The following EDEM3 variants were observed in gnomAD, a reference collection of about 807,000 sequenced individuals.
EDEM3 encodes ER degradation enhancing alpha-mannosidase like protein 3.
EDEM3 carries 60 observed loss-of-function variants against 110.2 expected under a neutral mutation model. That is an observed-to-expected ratio of 0.54 (90% CI 0.44 to 0.67). EDEM3 has a LOEUF of 0.67. Among genes scored for constraint, EDEM3 ranks in the 30% least tolerant of loss-of-function variants. The probability of loss-of-function intolerance (pLI) is 0.00; values close to 1 mark genes in which losing one functional copy is unlikely to be tolerated. For synonymous variants in EDEM3, 352 were observed against 382.9 expected, an observed-to-expected ratio of 0.92 and a Z score of 0.94; for missense variants, 996 against 1,121.0, an observed-to-expected ratio of 0.89 and a Z score of 1.59.
Position 184,729,429 on chromosome 1 carries a change from G to A in EDEM3, c.613-3040C>T, listed in dbSNP as rs73048833. 5.8e-3 allele frequency among the ~76,000 whole-genome samples: 880 copies of A among 152,116 alleles called. 8 individuals carry two copies. The highest frequency in any genetic ancestry group is 0.02 in the African/African-American group (829 of 41,482). The stretch of plus-strand genomic sequence containing the variant: ...TTATGGATATAATCATCTACTCAAC[G>A]TTTGTAATGAGGTCTTATCTGAAAA... On this transcript the variant is annotated intron_variant, in intron 6 of 19. Transcript: ENST00000318130.
intron 1 of EDEM3, among the ~76,000 whole-genome samples, chr1:184,752,456 G>A (rs904621407): frequency 1.3e-5 from 2 of 152,124 alleles, no homozygotes; most frequent in African/African-American, 4.8e-5. Context: ...TGTATTTGTC[G>A]TTTATAGCTC....
At chr1:184,698,300 C>G (rs866671661) in intron 19 of EDEM3, among the ~76,000 whole-genome samples, 17 of 151,688 alleles carry the variant, frequency 1.1e-4, no homozygotes, top group African/African-American at 3.9e-4. Flanking sequence ...AAAAAGTATG[C>G]ATATCTAAGA....
chr1:184,750,100 A>G (rs548766398), intron 1 of EDEM3, among the ~76,000 whole-genome samples: 1 of 152,352 alleles, frequency 6.6e-6, no homozygotes, highest in African/African-American at 2.4e-5. Context: ...TTGCACTTAC[A>G]TTGAATAAAC....
intron 16 of EDEM3, among the ~76,000 whole-genome samples, chr1:184,709,885 A>G (rs4469687): frequency 0.57 from 87,324 of 151,952 alleles, 26,601 homozygotes; most frequent in African/African-American, 0.79. Context: ...ATAATTTAAA[A>G]ACTTTGTGTT....
chr1:184,705,531 G>A (rs1246690081), intron 18 of EDEM3, among the ~76,000 whole-genome samples: 1 of 152,086 alleles, frequency 6.6e-6, no homozygotes. Context: ...AGCTGGATTT[G>A]GCCTATAGTC....
intron 14 of EDEM3, 95 bp from the exon 15 acceptor site, chr1:184,711,972 G>T: frequency 2.1e-6 from 2 of 969,754 alleles, no homozygotes; most frequent in Non-Finnish European, 3.0e-6. Flanking sequence ...TGTTGCCCAG[G>T]CTGCAGTGCA....
At chr1:184,699,611 G>A (rs2102057802) in intron 19 of EDEM3, among the ~76,000 whole-genome samples, 1 of 152,018 alleles carries the variant, frequency 6.6e-6, no homozygotes, top group Non-Finnish European at 1.5e-5. Flanking sequence ...CAGTTCAGCT[G>A]TAGAACAGAT....
At chr1:184,751,987 A>T (rs1405097896) in intron 1 of EDEM3, among the ~76,000 whole-genome samples, 1 of 152,154 alleles carries the variant, frequency 6.6e-6, no homozygotes, top group Non-Finnish European at 1.5e-5. Context: ...TCCCGACCTC[A>T]GGTGATTCGC....
chr1:184,749,435 AC>A, intron 2 of EDEM3, 111 bp downstream of exon 2: 2 of 866,268 alleles, frequency 2.3e-6, no homozygotes, highest in Middle Eastern at 3.2e-4. Flanking sequence ...TTTTTTAAAA[AC>A]TTCCTTTTAA....
At chr1:184,703,665 G>A (rs1009703705) in intron 18 of EDEM3, among the ~76,000 whole-genome samples, 1 of 152,116 alleles carries the variant, frequency 6.6e-6, no homozygotes, top group Non-Finnish European at 1.5e-5. Flanking sequence ...CCTCCAAATC[G>A]CATGCCAGTC....
chr1:184,705,992 C>T (rs564342925), intron 18 of EDEM3, among the ~76,000 whole-genome samples: 4 of 152,088 alleles, frequency 2.6e-5, no homozygotes, highest in Non-Finnish European at 5.9e-5. Context: ...TAAAGATCTG[C>T]TAGCAATACT....
At chr1:184,736,957 T>C in intron 4 of EDEM3, 68 bp downstream of exon 4, 1 of 1,268,548 alleles carries the variant, frequency 7.9e-7, no homozygotes, top group Non-Finnish European at 1.2e-6. Context: ...TACTGTGTTA[T>C]GATCATATTC....
chr1:184,741,855 T>A (rs1229072947), intron 2 of EDEM3, among the ~76,000 whole-genome samples: 1 of 152,240 alleles, frequency 6.6e-6, no homozygotes, highest in Non-Finnish European at 1.5e-5. Context: ...TGGAACAGTT[T>A]TTTTTCCTTC....
intron 11 of EDEM3, among the ~76,000 whole-genome samples, chr1:184,718,901 G>C (rs900294765): frequency 1.3e-5 from 2 of 152,054 alleles, no homozygotes; most frequent in African/African-American, 4.8e-5. Flanking sequence ...ACTAAGCTGG[G>C]AATTTTTTTA....
Position 184,719,221 on chromosome 1 carries a change from C to A in EDEM3, c.1102G>T (p.Ala368Ser). 1 of 1,573,404 alleles carries A rather than the reference C, an allele frequency of 6.4e-7. No homozygotes were observed. Among genetic ancestry groups the A allele is most frequent in the Non-Finnish European group, 8.6e-7 (1 of 1,163,488 alleles). ...TATAACATTTCATGAGTTTCAATAG[C>A]AGGTCTAATATCCCCCTTTAACACC... Reference protein sequence around the residue: ...LQVLKGDIRPAIETHEMLYQV... With the variant: ...LQVLKGDIRPSIETHEMLYQV... Residue 368 changes from alanine (A) to serine (S), a missense_variant, in exon 11 of 20, where the codon GCT becomes TCT. Physicochemically the swap from Ala to Ser is moderately conservative, Grantham distance 99. Coordinates refer to ENST00000318130, the MANE Select transcript of EDEM3 (RefSeq NM_025191.4).
At chr1:184,717,444 G>A (rs1650613204) in intron 12 of EDEM3, 96 bp downstream of exon 12, 3 of 865,628 alleles carry the variant, frequency 3.5e-6, no homozygotes, top group Non-Finnish European at 5.4e-6. Context: ...AATATTAAAA[G>A]GGGACTCTGA....
In EDEM3 at chr1:184,706,661, T is replaced by C. The variant is rs1649945594; in HGVS notation, c.2185A>G (p.Ile729Val). Residue 729 changes from isoleucine to valine, a missense_variant, in exon 18 of 20, where the codon ATT becomes GTT. Ile to Val is a conservative substitution (Grantham distance 29, BLOSUM62 3). This residue lies in a region of EDEM3 where 345 missense variants were observed against 402.0 expected (regional missense o/e 0.86). Coordinates refer to ENST00000318130, the MANE Select transcript of EDEM3 (RefSeq NM_025191.4). ...TACTTACCAATAACAATGCCACCAATGGCTCCAGCATTCTGGATGTTGCGT... is the reference window on the plus strand; with the variant it reads ...TACTTACCAATAACAATGCCACCAACGGCTCCAGCATTCTGGATGTTGCGT... ...KARNIQNAGA[I>V]GGIVIDDNEG... The C allele has an allele frequency of 6.2e-7, 1 of 1,612,038 alleles. No homozygotes were observed. Among genetic ancestry groups the C allele is most frequent in the Non-Finnish European group, 8.5e-7 (1 of 1,178,604 alleles).
intron 1 of EDEM3, among the ~76,000 whole-genome samples, chr1:184,751,090 AAC>A (rs202161054): frequency 0.3 from 45,396 of 151,204 alleles, 8,395 homozygotes; most frequent in East Asian, 0.54. Context: ...ACCACTTAAA[AAC>A]ATTTCATTAT....
chr1:184,717,837 C>A (rs1650638202), intron 11 of EDEM3, among the ~76,000 whole-genome samples: 1 of 151,894 alleles, frequency 6.6e-6, no homozygotes, highest in Non-Finnish European at 1.5e-5. Flanking sequence ...TTTCAGTGAT[C>A]ATTCTGGCTA....
Sources: allele counts gnomAD v4.1 joint callset (sites outside exome capture counted in the v4.1 genomes callset), GRCh38; gene constraint gnomAD v4.1.1; regional missense constraint gnomAD v4.1.1; transcripts MANE v1.5; gene names NCBI Gene and HGNC (gene_info 2026-07-23, HGNC 2026-07-21).